Variants in DNAI7 observed in about 807,000 individuals in gnomAD.
DNAI7 encodes the protein dynein axonemal intermediate chain 7.
Under a neutral mutation model 86.6 loss-of-function variants are expected in DNAI7, and 78 were observed. That is an observed-to-expected ratio of 0.90 (90% CI 0.75 to 1.09). The LOEUF (loss-of-function observed/expected upper bound fraction) is 1.09, where lower values mean the gene tolerates loss of function less well. Among genes scored for constraint, DNAI7 ranks in the 50% least tolerant of loss-of-function variants. The probability of loss-of-function intolerance (pLI) is 0.00; values close to 1 mark genes in which losing one functional copy is unlikely to be tolerated. For missense variants in DNAI7, 753 were observed against 810.2 expected (o/e 0.93, Z 0.86); for synonymous variants, 274 against 273.0 (o/e 1.00, Z -0.04).
intron 2 of DNAI7, chr12:25,185,774 G>A (rs1949972715): frequency 1.0e-6 from 1 of 983,924 alleles, no homozygotes; most frequent in Non-Finnish European, 1.2e-6. Flanking sequence ...GCCTGTTTGT[G>A]ATGACAGTGT....
At chr12:25,116,666 A>AT (rs1384541239) in intron 12 of DNAI7, among the ~76,000 whole-genome samples, 1 of 152,084 alleles carries the variant, frequency 6.6e-6, no homozygotes, top group Admixed American at 6.6e-5. Flanking sequence ...CGCCTGGCTA[A>AT]TTTTTTTAAG....
Position 25,154,431 on chromosome 12 carries a change from C to T in DNAI7, c.326G>A (p.Gly109Glu), listed in dbSNP as rs1423782232. 6.2e-7 allele frequency: 1 copy of T among 1,609,896 alleles called. No homozygotes were observed. ...SQWKHYIQCD[G>E]SPDPSVAQEM... ...TTGGGCTACTGAAGGATCAGGACTC[C>T]CATCACATTGAATGTAGTGCTTCCA... The change falls in exon 6 of 16, where the codon GGG (glycine) becomes GAG (glutamate). Residue 109 changes from glycine to glutamate, a missense_variant. Physicochemically the swap from Gly to Glu is moderately conservative, Grantham distance 98 (BLOSUM62 -2). Coordinates refer to ENST00000395987, the MANE Select transcript of DNAI7 (RefSeq NM_018272.5).
chr12:25,110,176 C>T lies in DNAI7; in HGVS notation c.1844G>A (p.Gly615Asp), dbSNP rs912436913. 1 of 1,613,106 alleles carries T rather than the reference C, an allele frequency of 6.2e-7. No individual in the cohort carries two copies. The highest frequency in any genetic ancestry group is 2.2e-5 in the East Asian group (1 of 44,884). Residue 615 changes from glycine (G) to aspartate (D), a missense_variant, in exon 15 of 16, where the codon GGT (glycine) becomes GAT (aspartate). Gly to Asp is a moderately conservative substitution (Grantham distance 94). Transcript: ENST00000395987. Reference sequence around the variant, plus strand: ...ACATAGTAGGTTCCACTTGCTCCAACCAAATGCAAAAGCAGAACTTAGTAG... The same window carrying T: ...ACATAGTAGGTTCCACTTGCTCCAATCAAATGCAAAAGCAGAACTTAGTAG... ...MALLSSAFAFGWSKWNLLCNS... is the reference protein window; with the variant it reads ...MALLSSAFAFDWSKWNLLCNS...
At chr12:25,170,113 A>G (rs1455519986) in intron 2 of DNAI7, among the ~76,000 whole-genome samples, 2 of 152,076 alleles carry the variant, frequency 1.3e-5, no homozygotes, top group Non-Finnish European at 2.9e-5. Flanking sequence ...TGTCCCAGCC[A>G]GGCCCAGTAG....
chr12:25,172,024 G>A (rs1948201783), intron 2 of DNAI7, among the ~76,000 whole-genome samples: 1 of 152,026 alleles, frequency 6.6e-6, no homozygotes, highest in Admixed American at 6.6e-5. Context: ...ATAAAGAAAC[G>A]TTGAAAGCAT....
chr12:25,186,301 C>A (rs192670952), intron 2 of DNAI7, among the ~76,000 whole-genome samples: 9 of 152,060 alleles, frequency 5.9e-5, no homozygotes, highest in African/African-American at 4.8e-5. Context: ...TTGAAATCTG[C>A]GTAAAAATAT....
chr12:25,184,294 C>G (rs1314505086), intron 2 of DNAI7, among the ~76,000 whole-genome samples: 1 of 152,128 alleles, frequency 6.6e-6, no homozygotes, highest in Admixed American at 6.5e-5. Context: ...TTCCAAATAC[C>G]TAGCTCATGG....
rs540320066 is a variant in DNAI7 at position 25,188,796 on chromosome 12, T to C, written c.21+1818A>G. Among the ~76,000 whole-genome samples, 3 of 152,284 alleles carry C rather than the reference T, an allele frequency of 2.0e-5. No homozygotes were observed. In the South Asian group the frequency reaches 6.2e-4, roughly 32 times the overall value. ...CTATCAACGTAATAGCCCACCCATG[T>C]ATATCATGAAGTACCAAGGTAATTT... On this transcript the variant is annotated intron_variant, in intron 2 of 15. Coordinates refer to ENST00000395987, the MANE Select transcript of DNAI7 (RefSeq NM_018272.5).
chr12:25,170,257 G>A (rs903421723), intron 2 of DNAI7, among the ~76,000 whole-genome samples: 4 of 151,774 alleles, frequency 2.6e-5, no homozygotes, highest in Admixed American at 2.0e-4. Flanking sequence ...CTGGTGTGGT[G>A]GTGGGTGCCT....
intron 10 of DNAI7, among the ~76,000 whole-genome samples, chr12:25,122,466 AAAG>A (rs1271173534): frequency 1.3e-3 from 193 of 145,170 alleles, no homozygotes; most frequent in African/African-American, 4.6e-3. Flanking sequence ...AAAAAAAAAA[AAAG>A]AAGGAGAAGA....
chr12:25,117,932 C>CTTTT (rs1565634944), intron 12 of DNAI7, among the ~76,000 whole-genome samples: 3 of 71,694 alleles, frequency 4.2e-5, no homozygotes, highest in African/African-American at 6.1e-5. Context: ...TTGATATTTT[C>CTTTT]TTTTTCTTTT....
intron 11 of DNAI7, among the ~76,000 whole-genome samples, chr12:25,120,329 A>AGAGAGAGAGAGAGAGAGAGAGAGG: frequency 6.8e-6 from 1 of 148,022 alleles, no homozygotes; most frequent in Non-Finnish European, 1.5e-5. Context: ...AGAGAGAGAG[A>AGAGAGAGAGAGAGAGAGAGAGAGG]GAGAGAGAGA....
chr12:25,138,511 C>T (rs1417752855), intron 9 of DNAI7, among the ~76,000 whole-genome samples: 1 of 152,064 alleles, frequency 6.6e-6, no homozygotes, highest in East Asian at 1.9e-4. Context: ...AGTATTCTCT[C>T]AGACCACAGG....
intron 1 of DNAI7, among the ~76,000 whole-genome samples, chr12:25,194,614 C>T (rs1353948462): frequency 1.3e-5 from 2 of 152,206 alleles, no homozygotes; most frequent in Middle Eastern, 6.8e-3. Context: ...AGGATGAGAA[C>T]CTTGAATCAC....
intron 2 of DNAI7, among the ~76,000 whole-genome samples, chr12:25,173,945 T>C (rs115032037): frequency 8.1e-4 from 83 of 102,676 alleles, no homozygotes; most frequent in Non-Finnish European, 1.1e-3. Context: ...ATCATATATA[T>C]GGAATACATA....
intron 9 of DNAI7, among the ~76,000 whole-genome samples, chr12:25,126,282 A>C (rs1051965610): frequency 1.3e-5 from 2 of 152,132 alleles, no homozygotes; most frequent in Non-Finnish European, 2.9e-5. Context: ...GCCACTCTGA[A>C]GACTTTAAAA....
At chr12:25,125,005 T>C (rs1941917613) in intron 9 of DNAI7, among the ~76,000 whole-genome samples, 1 of 152,212 alleles carries the variant, frequency 6.6e-6, no homozygotes, top group African/African-American at 2.4e-5. Flanking sequence ...ACATTTTCTT[T>C]ATCCAATCTG....
intron 1 of DNAI7, among the ~76,000 whole-genome samples, chr12:25,191,086 T>G (rs1235618080): frequency 6.6e-6 from 1 of 152,146 alleles, no homozygotes; most frequent in African/African-American, 2.4e-5. Context: ...TAAAGTTAGA[T>G]TGATGATTTT....
chr12:25,123,850 A>G (rs923387851), intron 9 of DNAI7, among the ~76,000 whole-genome samples: 3 of 152,222 alleles, frequency 2.0e-5, no homozygotes, highest in East Asian at 1.9e-4. Flanking sequence ...CTGATGTAAC[A>G]ATAACACATT....
Sources: allele counts gnomAD v4.1 joint callset (sites outside exome capture counted in the v4.1 genomes callset), GRCh38; gene constraint gnomAD v4.1.1; transcripts MANE v1.5; gene names NCBI Gene and HGNC (gene_info 2026-07-23, HGNC 2026-07-21).